The following CNTN4 variants were observed in gnomAD, a reference collection of about 807,000 sequenced individuals.
CNTN4 encodes contactin 4.
A neutral mutation model predicts 122.5 loss-of-function variants in CNTN4; 77 were observed. The observed-to-expected ratio is 0.63, with a 90% confidence interval of 0.52 to 0.76. The LOEUF is 0.76. CNTN4 is among the 30% of genes least tolerant of loss of function. The pLI is 0.00. For missense variants in CNTN4, 1,256 were observed against 1,259.1 expected (o/e 1.00, Z 0.04); for synonymous variants, 512 against 447.0 (o/e 1.15, Z -1.83).
At chr3:2,777,959 A>C (rs1232147526) in intron 6 of CNTN4, among the ~76,000 whole-genome samples, 2 of 152,114 alleles carry the variant, frequency 1.3e-5, no homozygotes, top group South Asian at 2.1e-4. Context: ...TCATGCCTGT[A>C]ATGCCAGCAC....
intron 7 of CNTN4, among the ~76,000 whole-genome samples, chr3:2,820,342 G>A (rs909633352): frequency 3.9e-5 from 6 of 152,198 alleles, no homozygotes; most frequent in Admixed American, 1.3e-4. Flanking sequence ...TGAACAGCCC[G>A]ATAAACATAT....
At position 2,695,631 on chromosome 3, in the gene CNTN4, A is replaced by G. The variant is rs114626502; in HGVS notation, c.56-40584A>G. Among the ~76,000 whole-genome samples the G allele has an allele frequency of 9.9e-3, 1,513 of 152,286 alleles. 21 individuals carry two copies. The highest frequency in any genetic ancestry group is 0.034 in the African/African-American group (1,404 of 41,556). ...GGGTTGTGGGGAAGGGATGTTATAG[A>G]GAAGACGAACAGAGCATAATCTTTG... On this transcript the variant is annotated intron_variant, in intron 4 of 24. Coordinates refer to ENST00000418658, the MANE Select transcript of CNTN4 (RefSeq NM_175607.3).
intron 2 of CNTN4, among the ~76,000 whole-genome samples, chr3:2,218,543 TA>T (rs961223027): frequency 2.0e-5 from 3 of 151,822 alleles, no homozygotes; most frequent in Admixed American, 6.6e-5. Context: ...TATTAAAAAA[TA>T]AAAAAAAGTT....
chr3:2,705,188 G>A (rs2086585819), intron 4 of CNTN4, among the ~76,000 whole-genome samples: 1 of 150,948 alleles, frequency 6.6e-6, no homozygotes, highest in Non-Finnish European at 1.5e-5. Context: ...CTAACATGGT[G>A]AAACCCCGTC....
At chr3:2,795,428 G>A (rs1156968312) in intron 6 of CNTN4, among the ~76,000 whole-genome samples, 2 of 152,112 alleles carry the variant, frequency 1.3e-5, no homozygotes, top group Non-Finnish European at 2.9e-5. Context: ...ACATTCCCAC[G>A]GAGGAAGGGA....
At chr3:2,177,958 A>G (rs553660719) in intron 2 of CNTN4, among the ~76,000 whole-genome samples, 3 of 152,132 alleles carry the variant, frequency 2.0e-5, no homozygotes, top group Admixed American at 2.0e-4. Context: ...AAAATTTTTT[A>G]TACTTTACCT....
At chr3:2,300,557 C>T (rs1281687259) in intron 2 of CNTN4, among the ~76,000 whole-genome samples, 4 of 138,202 alleles carry the variant, frequency 2.9e-5, no homozygotes, top group African/African-American at 8.0e-5. Context: ...ACACAGTGAC[C>T]GTCTTTTTTT....
chr3:2,644,367 A>G (rs939128329), intron 4 of CNTN4, among the ~76,000 whole-genome samples: 11 of 152,198 alleles, frequency 7.2e-5, no homozygotes, highest in African/African-American at 2.7e-4. Context: ...AGGCTTCATT[A>G]TCAGAAGCTC....
At chr3:2,228,339 C>A (rs1332940759) in intron 2 of CNTN4, among the ~76,000 whole-genome samples, 1 of 151,710 alleles carries the variant, frequency 6.6e-6, no homozygotes, top group Non-Finnish European at 1.5e-5. Flanking sequence ...AATTATATAG[C>A]ATTTAAATTT....
intron 14 of CNTN4, among the ~76,000 whole-genome samples, chr3:2,992,509 A>G (rs1695145303): frequency 6.6e-6 from 1 of 152,190 alleles, no homozygotes; most frequent in African/African-American, 2.4e-5. Context: ...AATCATGTTT[A>G]TCTCTACAGC....
chr3:2,626,120 T>A (rs2082175161), intron 4 of CNTN4, among the ~76,000 whole-genome samples: 1 of 152,232 alleles, frequency 6.6e-6, no homozygotes, highest in Non-Finnish European at 1.5e-5. Context: ...TTCTCCCAGT[T>A]GCTTGCTGGC....
chr3:2,752,643 G>T (rs2090150813), intron 6 of CNTN4, among the ~76,000 whole-genome samples: 1 of 152,120 alleles, frequency 6.6e-6, no homozygotes, highest in South Asian at 2.1e-4. Context: ...GAGCCACCGT[G>T]CCCAGCTGAG....
At chr3:2,315,867 T>C (rs191192756) in intron 2 of CNTN4, among the ~76,000 whole-genome samples, 60 of 152,248 alleles carry the variant, frequency 3.9e-4, no homozygotes, top group Admixed American at 3.6e-3. Flanking sequence ...ATGTTTAATA[T>C]ATTTATAAGG....
intron 3 of CNTN4, among the ~76,000 whole-genome samples, chr3:2,450,327 A>G (rs1328073693): frequency 2.0e-5 from 3 of 152,012 alleles, no homozygotes; most frequent in African/African-American, 7.2e-5. Flanking sequence ...AGATCACACC[A>G]CTGCACTCCA....
intron 2 of CNTN4, among the ~76,000 whole-genome samples, chr3:2,189,385 C>G (rs1361940570): frequency 6.6e-6 from 1 of 152,142 alleles, no homozygotes; most frequent in Admixed American, 6.5e-5. Context: ...AGAGGCTAAC[C>G]AGCTGAAGAA....
chr3:2,522,163 GTGTGTGT>G, intron 3 of CNTN4, among the ~76,000 whole-genome samples: 1 of 151,246 alleles, frequency 6.6e-6, no homozygotes, highest in Non-Finnish European at 1.5e-5. Flanking sequence ...GTGTGTGTGT[GTGTGTGT>G]GTGTGTGTGT....
At chr3:2,795,564 A>T (rs2092146458) in intron 6 of CNTN4, among the ~76,000 whole-genome samples, 1 of 146,142 alleles carries the variant, frequency 6.8e-6, no homozygotes, top group South Asian at 2.2e-4. Flanking sequence ...TCTGTCGCCC[A>T]GGCTGGAGTG....
chr3:2,259,101 T>A lies in CNTN4; in HGVS notation c.-144-80077T>A, dbSNP rs1158816337. The stretch of plus-strand genomic sequence containing the variant: ...TTATTTAGTGATTTTTTTTTTTGGC[T>A]CTGTAAATTTGAGGCCATTTTTCTT... On this transcript the variant is annotated intron_variant, in intron 2 of 24. Coordinates refer to ENST00000418658, the MANE Select transcript of CNTN4 (RefSeq NM_175607.3). Among the ~76,000 whole-genome samples, 9 of 152,088 alleles carry A rather than the reference T, an allele frequency of 5.9e-5. No homozygotes were observed. The East Asian group carries it at 1.5e-3, about 26-fold the overall frequency.
intron 3 of CNTN4, among the ~76,000 whole-genome samples, chr3:2,502,658 A>C (rs2076627556): frequency 6.6e-6 from 1 of 152,072 alleles, no homozygotes; most frequent in African/African-American, 2.4e-5. Flanking sequence ...TTTAACCAGC[A>C]TTTTCGTGGC....
Sources: gnomAD v4.1 joint callset for allele counts (sites outside exome capture counted in the v4.1 genomes callset) on GRCh38, gnomAD v4.1.1 for gene constraint, MANE v1.5 for transcripts, NCBI Gene and HGNC (gene_info 2026-07-23, HGNC 2026-07-21) for gene names.